Variants in RALY observed in about 807,000 individuals in gnomAD.
RALY encodes RNA-binding protein Raly.
A neutral mutation model predicts 30.7 loss-of-function variants in RALY; 15 were observed. That is an observed-to-expected ratio of 0.49 (90% CI 0.33 to 0.75). The LOEUF (loss-of-function observed/expected upper bound fraction) is 0.75, where lower values mean the gene tolerates loss of function less well. RALY is among the 30% of genes least tolerant of loss of function. The probability of loss-of-function intolerance (pLI) is 0.02; values close to 1 mark genes in which losing one functional copy is unlikely to be tolerated. For missense variants in RALY, 339 were observed against 414.3 expected, an observed-to-expected ratio of 0.82 and a Z score of 1.58; for synonymous variants, 177 against 170.8, an observed-to-expected ratio of 1.04 and a Z score of -0.28.
intron 3 of RALY, among the ~76,000 whole-genome samples, chr20:34,072,871 A>G (rs1156776351): frequency 6.6e-6 from 1 of 152,200 alleles, no homozygotes; most frequent in African/African-American, 2.4e-5. Flanking sequence ...AACAAGAAGT[A>G]TATGGATTGA....
At position 34,077,150 on chromosome 20, in the gene RALY, A is replaced by G. The variant is rs755819499; in HGVS notation, c.781A>G (p.Asn261Asp). Residue 261 changes from asparagine (N) to aspartate (D), a missense_variant, in exon 8 of 10, where the codon AAC becomes GAC. Asn to Asp is a conservative substitution (Grantham distance 23). This residue lies in a region of RALY where 268 missense variants were observed against 280.6 expected (regional missense o/e 0.95). Transcript: ENST00000246194. Reference sequence around the variant, plus strand: ...CAGCCGGCCACCAGCCCCCCAAGAGAACACAACTTCTGAGGCAGGCCTGCC... The same window carrying G: ...CAGCCGGCCACCAGCCCCCCAAGAGGACACAACTTCTGAGGCAGGCCTGCC... ...GSSRPPAPQE[N>D]TTSEAGLPQG... 1 of 1,613,084 alleles carries G rather than the reference A, an allele frequency of 6.2e-7. No homozygotes were observed. Among genetic ancestry groups the G allele is most frequent in the South Asian group, 1.1e-5 (1 of 91,018 alleles).
intron 2 of RALY, among the ~76,000 whole-genome samples, chr20:34,060,365 A>G (rs1310443146): frequency 6.6e-6 from 1 of 152,244 alleles, no homozygotes; most frequent in Admixed American, 6.5e-5. Flanking sequence ...CAGATTAGGG[A>G]TGCTCAGCCA....
At chr20:33,996,787 T>TTCCCTCC in intron 1 of RALY, among the ~76,000 whole-genome samples, 1 of 152,274 alleles carries the variant, frequency 6.6e-6, no homozygotes, top group East Asian at 1.9e-4. Flanking sequence ...TAACTCCCCC[T>TTCCCTCC]TCCCTCCTCC....
rs190271449 is a variant in RALY at position 34,010,276 on chromosome 20, T to G, written c.-93+16145T>G. 2.3e-3 allele frequency among the ~76,000 whole-genome samples: 347 copies of G among 152,300 alleles called. 3 individuals carry two copies. Among genetic ancestry groups the G allele is most frequent in the African/African-American group, 8.0e-3 (332 of 41,546 alleles). ...TCCAGTGGCACTCTGTTGCCCAAAC[T>G]GGAATGCAGTGGCGTAATCTCAGCT... On this transcript the variant is annotated intron_variant, in intron 1 of 9. Transcript: ENST00000246194.
intron 2 of RALY, among the ~76,000 whole-genome samples, chr20:34,070,963 G>A (rs1228944604): frequency 3.9e-5 from 6 of 152,156 alleles, no homozygotes; most frequent in Non-Finnish European, 5.9e-5. Flanking sequence ...GGAAGGCGAC[G>A]GGGAAGTAGA....
intron 1 of RALY, among the ~76,000 whole-genome samples, chr20:33,999,578 T>C (rs2030814219): frequency 6.6e-6 from 1 of 152,216 alleles, no homozygotes; most frequent in Admixed American, 6.5e-5. Flanking sequence ...ACTGGTCTTT[T>C]CGTGTACTAG....
chr20:34,009,070 G>C (rs1299797148), intron 1 of RALY, among the ~76,000 whole-genome samples: 1 of 152,076 alleles, frequency 6.6e-6, no homozygotes, highest in Non-Finnish European at 1.5e-5. Flanking sequence ...GAAGGTGACT[G>C]GTTTCTCATG....
intron 2 of RALY, among the ~76,000 whole-genome samples, chr20:34,036,437 G>C (rs2032499629): frequency 6.6e-6 from 1 of 152,150 alleles, no homozygotes; most frequent in Non-Finnish European, 1.5e-5. Context: ...AATCCCACAT[G>C]GTTGTAGTGT....
chr20:34,011,373 G>C (rs927181556), intron 1 of RALY, among the ~76,000 whole-genome samples: 1 of 152,156 alleles, frequency 6.6e-6, no homozygotes, highest in Non-Finnish European at 1.5e-5. Flanking sequence ...AGTGAGATCT[G>C]ATTTTGAATG....
At chr20:34,008,325 G>T (rs536996955) in intron 1 of RALY, among the ~76,000 whole-genome samples, 1 of 152,254 alleles carries the variant, frequency 6.6e-6, no homozygotes, top group Admixed American at 6.5e-5. Context: ...AATGAAGCAT[G>T]GGGAATGCCA....
At chr20:34,053,042 C>G (rs1044330000) in intron 2 of RALY, among the ~76,000 whole-genome samples, 1 of 146,222 alleles carries the variant, frequency 6.8e-6, no homozygotes, top group Non-Finnish European at 1.5e-5. Flanking sequence ...TAAAAAGAAA[C>G]TTTTTTTTTT....
chr20:34,027,017 C>G (rs1266328995), intron 1 of RALY, among the ~76,000 whole-genome samples: 1 of 152,042 alleles, frequency 6.6e-6, no homozygotes, highest in East Asian at 1.9e-4. Context: ...CCTACATGAC[C>G]CAAGACCCAT....
intron 1 of RALY, among the ~76,000 whole-genome samples, chr20:34,021,872 TA>T (rs910267227): frequency 5.9e-5 from 9 of 151,520 alleles, no homozygotes; most frequent in African/African-American, 1.9e-4. Flanking sequence ...TTTTTATTAT[TA>T]AAAAAATTTT....
intron 1 of RALY, among the ~76,000 whole-genome samples, chr20:34,001,057 C>T (rs1217685363): frequency 6.6e-6 from 1 of 152,098 alleles, no homozygotes; most frequent in African/African-American, 2.4e-5. Flanking sequence ...ACAAAAGATA[C>T]CTTTCAGTAT....
intron 1 of RALY, among the ~76,000 whole-genome samples, chr20:34,006,112 T>C (rs145310464): frequency 4.8e-4 from 73 of 152,354 alleles, no homozygotes; most frequent in African/African-American, 1.7e-3. Context: ...TGGCTAGGAT[T>C]GAAACCTAAC....
intron 1 of RALY, among the ~76,000 whole-genome samples, chr20:34,010,235 C>T (rs1481129737): frequency 1.3e-5 from 2 of 151,962 alleles, no homozygotes; most frequent in Admixed American, 6.6e-5. Context: ...TGAGTTGGTA[C>T]CTGGTCTTTT....
At chr20:34,051,038 C>T (rs1347955101) in intron 2 of RALY, among the ~76,000 whole-genome samples, 2 of 152,182 alleles carry the variant, frequency 1.3e-5, no homozygotes, top group Non-Finnish European at 1.5e-5. Flanking sequence ...GAAGGGATGA[C>T]TGGGAACCTT....
chr20:34,057,792 G>A (rs1017425651), intron 2 of RALY, among the ~76,000 whole-genome samples: 1 of 152,146 alleles, frequency 6.6e-6, no homozygotes, highest in Non-Finnish European at 1.5e-5. Context: ...AGAGAGGGGG[G>A]CTACATTCTA....
Position 34,031,597 on chromosome 20 carries a change from T to C in RALY, c.-17T>C, listed in dbSNP as rs1315028819. ...GGAAACAGCTGGCTAAGCTCATCAT[T>C]GTTACTGGTGAGTGAGGTTGCCTGG... On this transcript the variant is annotated 5_prime_UTR_variant, in exon 2 of 10. Coordinates refer to ENST00000246194, the MANE Select transcript of RALY (RefSeq NM_016732.3). 1.3e-5 allele frequency: 2 copies of C among 152,198 alleles called. No individual in the cohort carries two copies. The highest frequency in any genetic ancestry group is 2.9e-5 in the Non-Finnish European group (2 of 68,072). The allele number at this position is 152,198 out of a possible 1,614,324, so 9.4% of individuals were successfully genotyped here. A position where few individuals can be genotyped will look rare whatever the true frequency, so the allele number is the denominator to read the frequency against.
Sources: allele counts gnomAD v4.1 joint callset (sites outside exome capture counted in the v4.1 genomes callset), GRCh38; gene constraint gnomAD v4.1.1; regional missense constraint gnomAD v4.1.1; transcripts MANE v1.5; gene names NCBI Gene and HGNC (gene_info 2026-07-23, HGNC 2026-07-21).